Variants in ZNF521 observed in about 807,000 individuals in gnomAD.
ZNF521 encodes LYST-interacting protein 3.
In ZNF521, 14 loss-of-function variants were observed where a neutral mutation model predicts 105.5. That is an observed-to-expected ratio of 0.13 (90% CI 0.09 to 0.21). The LOEUF (loss-of-function observed/expected upper bound fraction) is 0.21, where lower values mean the gene tolerates loss of function less well. Ranked by LOEUF, ZNF521 falls within the 10% of genes least tolerant of loss-of-function variation. The pLI is 1.00. For missense variants in ZNF521, 1,233 were observed against 1,629.7 expected (o/e 0.76, Z 4.19); for synonymous variants, 635 against 606.0 (o/e 1.05, Z -0.70).
intron 5 of ZNF521, among the ~76,000 whole-genome samples, chr18:25,127,496 G>A (rs1430636993): frequency 1.3e-5 from 2 of 151,884 alleles, no homozygotes; most frequent in African/African-American, 2.4e-5. Flanking sequence ...GTTAAAAAAG[G>A]AAACTGAGGA....
intron 5 of ZNF521, among the ~76,000 whole-genome samples, chr18:25,189,548 G>A (rs911841255): frequency 2.6e-5 from 4 of 152,116 alleles, no homozygotes; most frequent in African/African-American, 9.7e-5. Flanking sequence ...CAGGCCACAG[G>A]CTCCATCCTG....
At chr18:25,169,578 T>A (rs2035410770) in intron 5 of ZNF521, among the ~76,000 whole-genome samples, 1 of 152,226 alleles carries the variant, frequency 6.6e-6, no homozygotes, top group African/African-American at 2.4e-5. Flanking sequence ...TTAAATACCA[T>A]CCCTTTACTT....
intron 7 of ZNF521, among the ~76,000 whole-genome samples, chr18:25,086,754 C>T (rs769610678): frequency 1.4e-4 from 21 of 152,092 alleles, no homozygotes; most frequent in Admixed American, 9.2e-4. Flanking sequence ...TTTTGGATTA[C>T]AGAGTAAGTC....
intron 5 of ZNF521, among the ~76,000 whole-genome samples, chr18:25,171,343 T>A (rs2035445648): frequency 6.6e-6 from 1 of 152,152 alleles, no homozygotes; most frequent in Non-Finnish European, 1.5e-5. Context: ...TTAGTCACAT[T>A]CATTATGCCT....
intron 7 of ZNF521, among the ~76,000 whole-genome samples, chr18:25,072,185 T>C (rs2033242510): frequency 6.6e-6 from 1 of 152,246 alleles, no homozygotes; most frequent in African/African-American, 2.4e-5. Flanking sequence ...CAGTTTGACC[T>C]TAGTCTAATG....
rs60135177 is a variant in ZNF521 at position 25,070,713 on chromosome 18, C to T, written c.3907-7972G>A. Among the ~76,000 whole-genome samples the T allele has an allele frequency of 7.2e-4, 110 of 151,828 alleles. 3 individuals carry two copies. In the East Asian group the frequency reaches 0.017, roughly 24 times the overall value. On this transcript the variant is annotated intron_variant, in intron 7 of 7. Transcript: ENST00000361524. ...CTGCCAACATGCTAGTGGCATCTTC[C>T]CAGTTGTGACAAGCAGAAATGTCCC... is the stretch of plus-strand genomic sequence containing the variant.
At chr18:25,228,196 T>C (rs771792160) in intron 3 of ZNF521, among the ~76,000 whole-genome samples, 6 of 152,226 alleles carry the variant, frequency 3.9e-5, no homozygotes, top group East Asian at 1.9e-4. Context: ...TGTTTTTATA[T>C]AAAAAGGCAA....
chr18:25,141,539 G>A (rs1230361104), intron 5 of ZNF521, among the ~76,000 whole-genome samples: 2 of 152,152 alleles, frequency 1.3e-5, no homozygotes, highest in East Asian at 1.9e-4. Flanking sequence ...AGTTGAATAA[G>A]TCTCTATGAA....
intron 5 of ZNF521, among the ~76,000 whole-genome samples, chr18:25,096,568 T>C (rs1034344179): frequency 5.9e-5 from 9 of 152,150 alleles, no homozygotes; most frequent in African/African-American, 2.2e-4. Context: ...ATGTTTATAC[T>C]CCTTTTCCTT....
At chr18:25,312,955 A>G (rs2145115708) in intron 3 of ZNF521, among the ~76,000 whole-genome samples, 1 of 152,290 alleles carries the variant, frequency 6.6e-6, no homozygotes, top group South Asian at 2.1e-4. Flanking sequence ...CACTTTCTCT[A>G]AAACTGAGAG....
intron 7 of ZNF521, among the ~76,000 whole-genome samples, chr18:25,074,269 C>G (rs571811032): frequency 6.6e-6 from 1 of 152,216 alleles, no homozygotes; most frequent in Non-Finnish European, 1.5e-5. Flanking sequence ...TTAGAAGGAG[C>G]CCCAAGTAAT....
At chr18:25,064,787 C>T (rs1017616686) in intron 7 of ZNF521, among the ~76,000 whole-genome samples, 1 of 152,160 alleles carries the variant, frequency 6.6e-6, no homozygotes, top group Non-Finnish European at 1.5e-5. Flanking sequence ...TTAGGTCTTC[C>T]TTGTTCCATT....
intron 2 of ZNF521, among the ~76,000 whole-genome samples, chr18:25,331,622 C>A (rs1414253585): frequency 6.6e-6 from 1 of 152,154 alleles, no homozygotes; most frequent in Non-Finnish European, 1.5e-5. Context: ...AATACTTACA[C>A]CAACTGTTTG....
intron 5 of ZNF521, among the ~76,000 whole-genome samples, chr18:25,149,249 G>A (rs78902003): frequency 0.018 from 2,744 of 152,238 alleles, 76 homozygotes; most frequent in African/African-American, 0.061. Context: ...TAACTTCTAA[G>A]GTGCTACGAT....
intron 5 of ZNF521, among the ~76,000 whole-genome samples, chr18:25,176,930 G>C (rs1196864338): frequency 6.6e-6 from 1 of 152,172 alleles, no homozygotes; most frequent in Non-Finnish European, 1.5e-5. Context: ...GTGGAACCTG[G>C]TGTTTACTCC....
At chr18:25,110,391 G>C (rs2034161363) in intron 5 of ZNF521, among the ~76,000 whole-genome samples, 1 of 150,412 alleles carries the variant, frequency 6.6e-6, no homozygotes, top group Admixed American at 6.7e-5. Flanking sequence ...GTGGGGTTTT[G>C]TTTTATATGG....
chr18:25,196,489 C>T (rs1216295281), intron 4 of ZNF521, among the ~76,000 whole-genome samples: 1 of 150,676 alleles, frequency 6.6e-6, no homozygotes, highest in Non-Finnish European at 1.5e-5. Flanking sequence ...TAAATTTTTC[C>T]TAATTATTGT....
At chr18:25,239,418 T>C (rs1271837273) in intron 3 of ZNF521, among the ~76,000 whole-genome samples, 1 of 152,212 alleles carries the variant, frequency 6.6e-6, no homozygotes, top group African/African-American at 2.4e-5. Context: ...TGCTAAACTT[T>C]TGTTGATGAT....
intron 5 of ZNF521, among the ~76,000 whole-genome samples, chr18:25,157,814 T>C (rs2035175511): frequency 6.6e-6 from 1 of 152,032 alleles, no homozygotes; most frequent in Non-Finnish European, 1.5e-5. Flanking sequence ...GCAATGGTGC[T>C]GTGTTGGCTC....
Sources: gnomAD v4.1 joint callset for allele counts (sites outside exome capture counted in the v4.1 genomes callset) on GRCh38, gnomAD v4.1.1 for gene constraint, MANE v1.5 for transcripts, NCBI Gene and HGNC (gene_info 2026-07-23, HGNC 2026-07-21) for gene names.